The following C8orf34 variants were observed in gnomAD, a reference collection of about 807,000 sequenced individuals.
C8orf34 encodes chromosome 8 open reading frame 34, also known as uncharacterized protein C8orf34.
In C8orf34, 65 loss-of-function variants were observed where a neutral mutation model predicts 68.3. The ratio of observed to expected loss-of-function variants is 0.95; its 90% CI spans 0.78 to 1.17. The LOEUF (loss-of-function observed/expected upper bound fraction) is 1.17, where lower values mean the gene tolerates loss of function less well. Ranked by LOEUF, C8orf34 falls within the 50% of genes most tolerant of loss-of-function variation. The pLI, the probability that C8orf34 is intolerant of heterozygous loss-of-function variation, is 0.00. For missense variants in C8orf34, 664 were observed against 655.4 expected (o/e 1.01, Z -0.14); for synonymous variants, 244 against 241.2 (o/e 1.01, Z -0.11).
intron 1 of C8orf34, among the ~76,000 whole-genome samples, chr8:68,426,518 CAAAAA>C (rs753578060): frequency 3.4e-4 from 10 of 29,628 alleles, no homozygotes; most frequent in African/African-American, 8.2e-4. Flanking sequence ...GACCTTGTCT[CAAAAA>C]AAAAAAAAAA....
At chr8:68,750,632 A>G (rs1780676603) in intron 10 of C8orf34, among the ~76,000 whole-genome samples, 1 of 150,340 alleles carries the variant, frequency 6.7e-6, no homozygotes. Context: ...TTACCATAAT[A>G]AAAAAAGCTG....
chr8:68,376,740 A>G (rs1269119150), intron 1 of C8orf34, among the ~76,000 whole-genome samples: 1 of 151,748 alleles, frequency 6.6e-6, no homozygotes, highest in Non-Finnish European at 1.5e-5. Context: ...TTTGAAGGAA[A>G]CCCATACTGA....
chr8:68,423,673 C>T (rs1810081882), intron 1 of C8orf34, among the ~76,000 whole-genome samples: 1 of 152,120 alleles, frequency 6.6e-6, no homozygotes, highest in African/African-American at 2.4e-5. Flanking sequence ...TTTACAGCAG[C>T]ACCCCACTAT....
chr8:68,580,140 AT>A (rs771339723), intron 7 of C8orf34, among the ~76,000 whole-genome samples: 5 of 152,304 alleles, frequency 3.3e-5, no homozygotes, highest in Admixed American at 1.3e-4. Context: ...AGAATTATTC[AT>A]TCGCAGAACC....
intron 8 of C8orf34, among the ~76,000 whole-genome samples, chr8:68,653,652 A>C (rs2130786657): frequency 6.6e-6 from 1 of 152,284 alleles, no homozygotes; most frequent in Non-Finnish European, 1.5e-5. Flanking sequence ...ACATGGTGGA[A>C]AGACAGCTGG....
intron 10 of C8orf34, among the ~76,000 whole-genome samples, chr8:68,748,564 G>C (rs1258960825): frequency 6.6e-6 from 1 of 151,948 alleles, no homozygotes; most frequent in Non-Finnish European, 1.5e-5. Context: ...ACCCCATCAA[G>C]AAGTAGGCGA....
rs189538780 is a variant in C8orf34, at chr8:68,453,472, T to C, written c.607+7012T>C. On this transcript the variant is annotated intron_variant, in intron 3 of 13. Coordinates refer to ENST00000518698, the MANE Select transcript of C8orf34 (RefSeq NM_052958.4). ...TTAAACAATGTTTTGTAGTTTTTGGTGTACAAGACTGGCATGTCCTTGGTT... is the reference window on the plus strand; with the variant it reads ...TTAAACAATGTTTTGTAGTTTTTGGCGTACAAGACTGGCATGTCCTTGGTT... Among the ~76,000 whole-genome samples the C allele has an allele frequency of 2.1e-3, 326 of 152,148 alleles. 1 individual carries two copies. Among genetic ancestry groups the C allele is most frequent in the African/African-American group, 7.0e-3 (293 of 41,566 alleles).
chr8:68,484,886 G>A (rs894083964), intron 4 of C8orf34, among the ~76,000 whole-genome samples: 9 of 152,214 alleles, frequency 5.9e-5, no homozygotes, highest in South Asian at 2.1e-4. Flanking sequence ...AGATTTATTT[G>A]GATAATTTCT....
chr8:68,659,522 A>G (rs1819610031), intron 8 of C8orf34, among the ~76,000 whole-genome samples: 1 of 152,300 alleles, frequency 6.6e-6, no homozygotes, highest in South Asian at 2.1e-4. Context: ...ATTTTATATC[A>G]TACTCACAAA....
In C8orf34 at chr8:68,451,583, G is replaced by A. The variant is rs145663142; in HGVS notation, c.607+5123G>A. 2.2e-3 allele frequency among the ~76,000 whole-genome samples: 328 copies of A among 152,142 alleles called. 1 individual carries two copies. Among genetic ancestry groups the A allele is most frequent in the African/African-American group, 7.1e-3 (295 of 41,540 alleles). On this transcript the variant is annotated intron_variant, in intron 3 of 13. Coordinates refer to ENST00000518698, the MANE Select transcript of C8orf34 (RefSeq NM_052958.4). ...AGGGAATAGGGAAGCCCAAGGTGAAGGAGAGAGGTGAGGGAATGGCTAGTC... is the reference window on the plus strand; with the variant it reads ...AGGGAATAGGGAAGCCCAAGGTGAAAGAGAGAGGTGAGGGAATGGCTAGTC...
intron 1 of C8orf34, among the ~76,000 whole-genome samples, chr8:68,423,055 T>C (rs1337200808): frequency 6.6e-6 from 1 of 152,168 alleles, no homozygotes; most frequent in Non-Finnish European, 1.5e-5. Flanking sequence ...TTCTCTCCCA[T>C]AGGAGTGGCT....
chr8:68,681,816 T>C (rs1312320156), intron 8 of C8orf34, among the ~76,000 whole-genome samples: 1 of 152,152 alleles, frequency 6.6e-6, no homozygotes, highest in Non-Finnish European at 1.5e-5. Context: ...ATGTACACAA[T>C]GCAGTACTAT....
intron 1 of C8orf34, among the ~76,000 whole-genome samples, chr8:68,356,998 G>A (rs1806778310): frequency 6.6e-6 from 1 of 151,912 alleles, no homozygotes; most frequent in Non-Finnish European, 1.5e-5. Flanking sequence ...CGTATGAAGT[G>A]AATTTCATAA....
intron 7 of C8orf34, chr8:68,534,438 T>G (rs1376253472): frequency 1.3e-6 from 1 of 749,592 alleles, no homozygotes; most frequent in African/African-American, 1.9e-5. Flanking sequence ...TGATCTGTGT[T>G]TGAAGGAATT....
chr8:68,579,546 C>T (rs1038336333), intron 7 of C8orf34, among the ~76,000 whole-genome samples: 2 of 152,084 alleles, frequency 1.3e-5, no homozygotes, highest in African/African-American at 2.4e-5. Flanking sequence ...GTTTATCTTA[C>T]CCCTGTAGAG....
chr8:68,353,637 T>TTATA (rs10593212), intron 1 of C8orf34, among the ~76,000 whole-genome samples: 4 of 143,086 alleles, frequency 2.8e-5, no homozygotes, highest in East Asian at 2.0e-4. Context: ...TATATATATA[T>TTATA]TATATATATA....
At chr8:68,810,758 G>C (rs918994414) in intron 12 of C8orf34, among the ~76,000 whole-genome samples, 1 of 152,094 alleles carries the variant, frequency 6.6e-6, no homozygotes, top group Non-Finnish European at 1.5e-5. Context: ...CATCTGCTCA[G>C]CTCTCGCCTG....
chr8:68,686,895 A>C (rs1820535228), intron 8 of C8orf34, among the ~76,000 whole-genome samples: 1 of 152,086 alleles, frequency 6.6e-6, no homozygotes, highest in Non-Finnish European at 1.5e-5. Flanking sequence ...CATCCAAAAG[A>C]CTTCTAGATC....
chr8:68,766,974 G>A (rs1378750982), intron 10 of C8orf34, among the ~76,000 whole-genome samples: 6 of 152,026 alleles, frequency 3.9e-5, no homozygotes, highest in African/African-American at 7.2e-5. Context: ...ACCTGAGGTC[G>A]GGAGTTCGAG....
Sources: allele counts gnomAD v4.1 joint callset (sites outside exome capture counted in the v4.1 genomes callset), GRCh38; gene constraint gnomAD v4.1.1; transcripts MANE v1.5; gene names NCBI Gene and HGNC (gene_info 2026-07-23, HGNC 2026-07-21).